Variants in XPO6 observed in about 807,000 individuals in gnomAD.
XPO6 encodes the protein exportin 6.
XPO6 carries 3 observed loss-of-function variants against 130.0 expected under a neutral mutation model. The observed-to-expected ratio is 0.02, with a 90% CI of 0.01 to 0.06. The LOEUF is 0.06. XPO6 is among the 10% of genes least tolerant of loss of function. The pLI is 1.00. For missense variants in XPO6, 970 were observed against 1,393.0 expected (o/e 0.70, Z 4.83); for synonymous variants, 524 against 548.9 (o/e 0.95, Z 0.63).
chr16:28,130,890 A>AACAGGACACTGAAGGGTCAGTGTGGGGG (rs2042655859), intron 12 of XPO6, among the ~76,000 whole-genome samples: 1 of 152,236 alleles, frequency 6.6e-6, no homozygotes, highest in Non-Finnish European at 1.5e-5. Context: ...TACAAAAGTA[A>AACAGGACACTGAAGGGTCAGTGTGGGGG]ACAGGACACT....
intron 7 of XPO6, chr16:28,153,209 G>A (rs2043124809): frequency 5.0e-6 from 5 of 992,402 alleles, no homozygotes; most frequent in Non-Finnish European, 4.8e-6. Flanking sequence ...AACAAAACCA[G>A]GCTACGAAGG....
intron 1 of XPO6, among the ~76,000 whole-genome samples, chr16:28,206,798 C>T (rs2044037660): frequency 6.6e-6 from 1 of 152,148 alleles, no homozygotes; most frequent in African/African-American, 2.4e-5. Flanking sequence ...CCTTTCCCTG[C>T]CATCTCCCTG....
chr16:28,209,840 T>A (rs1282411370), intron 1 of XPO6, among the ~76,000 whole-genome samples: 4 of 151,802 alleles, frequency 2.6e-5, no homozygotes, highest in Non-Finnish European at 5.9e-5. Flanking sequence ...AATATATATG[T>A]TAAAATACAT....
intron 4 of XPO6, among the ~76,000 whole-genome samples, chr16:28,170,631 T>C (rs1165727142): frequency 6.6e-6 from 1 of 152,256 alleles, no homozygotes; most frequent in African/African-American, 2.4e-5. Flanking sequence ...TCAATATGCA[T>C]GTTGTTAAAT....
chr16:28,148,500 CT>C (rs2043024824), intron 8 of XPO6, among the ~76,000 whole-genome samples: 1 of 152,186 alleles, frequency 6.6e-6, no homozygotes. Flanking sequence ...CCCCAATTTA[CT>C]TTTCAGATTC....
At chr16:28,112,115 C>T in intron 16 of XPO6, 109 bp from the exon 17 acceptor site, 2 of 1,328,390 alleles carry the variant, frequency 1.5e-6, no homozygotes, top group Non-Finnish European at 2.0e-6. Context: ...GAACCCTAGC[C>T]CCCAGGCTCG....
intron 18 of XPO6, 44 bp downstream of exon 18, chr16:28,107,478 T>C (rs759431983): frequency 1.2e-6 from 2 of 1,610,598 alleles, no homozygotes; most frequent in South Asian, 1.1e-5. Flanking sequence ...ATTCTGGCCC[T>C]TGTTAGCACC....
intron 5 of XPO6, among the ~76,000 whole-genome samples, 180 bp downstream of exon 5, chr16:28,169,570 C>A (rs1189074022): frequency 2.0e-5 from 3 of 152,196 alleles, no homozygotes; most frequent in Admixed American, 1.3e-4. Context: ...AGGTACAAAT[C>A]TATTTTGTAG....
intron 2 of XPO6, 21 bp downstream of exon 2, chr16:28,180,920 A>T (rs2043605184): frequency 6.2e-7 from 1 of 1,601,050 alleles, no homozygotes; most frequent in African/African-American, 1.3e-5. Flanking sequence ...ATTCCTCTTT[A>T]CAAGTCAATG....
chr16:28,211,030 T>A (rs1417377104), intron 1 of XPO6, among the ~76,000 whole-genome samples: 1 of 152,244 alleles, frequency 6.6e-6, no homozygotes, highest in African/African-American at 2.4e-5. Context: ...CATTAAATAC[T>A]ACTGCACTGT....
intron 6 of XPO6, chr16:28,165,219 A>C (rs887545148): frequency 4.6e-5 from 7 of 152,236 alleles, no homozygotes; most frequent in African/African-American, 1.4e-4. Context: ...CTTGTCTCGA[A>C]AAAAAGAATT....
chr16:28,191,109 A>G (rs2043780762), intron 1 of XPO6, among the ~76,000 whole-genome samples: 1 of 152,228 alleles, frequency 6.6e-6, no homozygotes, highest in Non-Finnish European at 1.5e-5. Context: ...GAAATGGAGA[A>G]AAGGATACAA....
chr16:28,134,757 A>C (rs1210325407), intron 10 of XPO6, among the ~76,000 whole-genome samples: 1 of 152,246 alleles, frequency 6.6e-6, no homozygotes. Flanking sequence ...AGCATCAATA[A>C]ATTCAAGGCT....
intron 10 of XPO6, among the ~76,000 whole-genome samples, chr16:28,134,828 T>A (rs941815793): frequency 2.0e-5 from 3 of 152,212 alleles, no homozygotes; most frequent in African/African-American, 7.2e-5. Flanking sequence ...CATTCTAGCC[T>A]TATCGGTTCA....
intron 1 of XPO6, among the ~76,000 whole-genome samples, chr16:28,183,798 C>T (rs968619231): frequency 7.2e-5 from 11 of 152,136 alleles, no homozygotes; most frequent in African/African-American, 2.4e-4. Flanking sequence ...GGTTTAAGGG[C>T]TTTCTCCCAA....
intron 23 of XPO6, among the ~76,000 whole-genome samples, chr16:28,099,548 T>A (rs1283391206): frequency 1.3e-5 from 2 of 152,356 alleles, no homozygotes; most frequent in East Asian, 3.9e-4. Flanking sequence ...CACCCAGGTC[T>A]GCCTCCTGCT....
rs1173618440 is a variant in XPO6 at position 28,175,966 on chromosome 16, C to G, written c.337G>C (p.Val113Leu). 2.5e-6 allele frequency: 4 copies of G among 1,614,178 alleles called. No homozygotes were observed. The highest frequency in any genetic ancestry group is 3.4e-6 in the Non-Finnish European group (4 of 1,180,032). Residue 113 changes from valine (V) to leucine (L), a missense_variant, in exon 4 of 24, where the codon GTT becomes CTT. By Grantham distance (32) the Val-to-Leu change is conservative (BLOSUM62 1). Transcript: ENST00000304658. The part of the protein sequence containing the change: ...PYFIRNKLCK[V>L]IVDIGRQDWP... ...TCCTGACGTCCAATATCAACAATAACTTTGCAGAGCTTGTTCCGGATAAAG... is the reference window on the plus strand; with the variant it reads ...TCCTGACGTCCAATATCAACAATAAGTTTGCAGAGCTTGTTCCGGATAAAG...
chr16:28,101,125 C>T lies in XPO6; in HGVS notation c.3276+333G>A, dbSNP rs2086646916. On this transcript the variant is annotated intron_variant, in intron 23 of 23. Coordinates refer to ENST00000304658, the MANE Select transcript of XPO6 (RefSeq NM_015171.4). The surrounding 1 kb of genome is among the most constrained non-coding windows in gnomAD (Gnocchi z 5.4). The stretch of plus-strand genomic sequence containing the variant: ...TGGGCACACTCCAATGCTGGCCCCA[C>T]CGGGGCTCATCACCCAGGAGGGAGA... The T allele has an allele frequency of 7.4e-6, 3 of 405,500 alleles. No individual in the cohort carries two copies. The highest frequency in any genetic ancestry group is 9.4e-6 in the Non-Finnish European group (2 of 213,142). 25.1% of individuals were successfully genotyped at this position (405,500 alleles called of 1,614,324 possible).
At chr16:28,109,863 T>A (rs2086875844) in intron 17 of XPO6, among the ~76,000 whole-genome samples, 2 of 152,314 alleles carry the variant, frequency 1.3e-5, no homozygotes, top group African/African-American at 4.8e-5. Context: ...TCTATATAGA[T>A]ACAAAGGTTA....
Sources: gnomAD v4.1 joint callset for allele counts (sites outside exome capture counted in the v4.1 genomes callset) on GRCh38, gnomAD v4.1.1 for gene constraint, Gnocchi (gnomAD v3.1) non-coding constraint, MANE v1.5 for transcripts, NCBI Gene and HGNC (gene_info 2026-07-23, HGNC 2026-07-21) for gene names.